Variants in DTNA observed in about 807,000 individuals in gnomAD.
The protein encoded by DTNA is dystrobrevin alpha, also known as dystrophin-related protein 3.
A neutral mutation model predicts 100.7 loss-of-function variants in DTNA; 43 were observed. The ratio of observed to expected loss-of-function variants is 0.43; its 90% CI spans 0.33 to 0.55. DTNA has a LOEUF of 0.55. DTNA is among the 20% of genes least tolerant of loss of function. The probability of loss-of-function intolerance (pLI) is 0.04; values close to 1 mark genes in which losing one functional copy is unlikely to be tolerated. For missense variants in DTNA, 798 were observed against 953.9 expected, an observed-to-expected ratio of 0.84 and a Z score of 2.15; for synonymous variants, 349 against 347.9, an observed-to-expected ratio of 1.00 and a Z score of -0.04.
chr18:34,660,337 G>C (rs915301514), intron 1 of DTNA, among the ~76,000 whole-genome samples: 9 of 151,730 alleles, frequency 5.9e-5, no homozygotes, highest in African/African-American at 1.9e-4. Flanking sequence ...CAACTGAGCA[G>C]CATTAACATT....
At chr18:34,532,625 T>A (rs1190512960) in intron 1 of DTNA, among the ~76,000 whole-genome samples, 2 of 152,026 alleles carry the variant, frequency 1.3e-5, no homozygotes, top group Admixed American at 6.6e-5. Flanking sequence ...TTCTCTAATC[T>A]CATACAATTT....
chr18:34,519,245 A>G (rs562497331), intron 1 of DTNA, among the ~76,000 whole-genome samples: 1 of 152,286 alleles, frequency 6.6e-6, no homozygotes, highest in African/African-American at 2.4e-5. Context: ...GGAGAATTTC[A>G]TGGCAGACAA....
chr18:34,690,248 G>C (rs940867875), intron 1 of DTNA, among the ~76,000 whole-genome samples: 3 of 152,166 alleles, frequency 2.0e-5, no homozygotes, highest in African/African-American at 7.2e-5. Flanking sequence ...GCCTCATTTT[G>C]TGCTTGAAAC....
chr18:34,663,806 A>G (rs1335080961), intron 1 of DTNA, among the ~76,000 whole-genome samples: 2 of 152,222 alleles, frequency 1.3e-5, no homozygotes, highest in Non-Finnish European at 1.5e-5. Flanking sequence ...CAGCTTCTCA[A>G]TACCTTTCTT....
Position 34,769,725 on chromosome 18 carries a change from C to CTTTTTTTTTTTTTT in DTNA, c.148+3686_148+3699dup, listed in dbSNP as rs61242937. On this transcript the variant is annotated intron_variant, in intron 3 of 22. Coordinates refer to ENST00000444659, the MANE Select transcript of DTNA (RefSeq NM_001386795.1). ...GAAGAAGCAAGGCAGCCCTCTGGGG[C>CTTTTTTTTTTTTTT]TTTTTTTTTTTTTTTGACAGAGTTT... Among the ~76,000 whole-genome samples, 57 of 53,862 alleles carry CTTTTTTTTTTTTTT rather than the reference C, an allele frequency of 1.1e-3. 9 individuals carry two copies. The highest frequency in any genetic ancestry group is 0.012 in the Middle Eastern group (1 of 82). The allele number at this position is 53,862 out of a possible 152,430, so 35.3% of individuals were successfully genotyped here. A position where few individuals can be genotyped will look rare whatever the true frequency, so the allele number is the denominator to read the frequency against.
In DTNA at chr18:34,781,894, A is replaced by G. The variant is rs1291511413; in HGVS notation, c.149-12143A>G. ...TGTTGGCCAGATGGGCACATAATTC[A>G]GGGTCAGTGAGTTCAAATTTCTAAA... is the stretch of plus-strand genomic sequence containing the variant. On this transcript the variant is annotated intron_variant, in intron 3 of 22. Transcript: ENST00000444659. Among the ~76,000 whole-genome samples the G allele has an allele frequency of 2.6e-5, 4 of 152,162 alleles. No individual in the cohort carries two copies. In the East Asian group the frequency reaches 7.7e-4, roughly 29 times the overall value.
chr18:34,855,331 T>A (rs1183851875), intron 15 of DTNA, among the ~76,000 whole-genome samples: 1 of 152,152 alleles, frequency 6.6e-6, no homozygotes, highest in Non-Finnish European at 1.5e-5. Context: ...GCTCACTAAA[T>A]ATGCAGGTTG....
chr18:34,695,128 C>G (rs758449262), intron 1 of DTNA, among the ~76,000 whole-genome samples: 27 of 152,160 alleles, frequency 1.8e-4, no homozygotes, highest in Non-Finnish European at 3.2e-4. Flanking sequence ...TGGATTCTCC[C>G]TCCGTACAGT....
chr18:34,576,276 A>G (rs1176090774), intron 1 of DTNA, among the ~76,000 whole-genome samples: 1 of 152,142 alleles, frequency 6.6e-6, no homozygotes, highest in African/African-American at 2.4e-5. Flanking sequence ...AGAATGTCCT[A>G]TTGGTCACTG....
intron 1 of DTNA, among the ~76,000 whole-genome samples, chr18:34,616,190 T>A (rs1165495892): frequency 6.6e-6 from 1 of 152,198 alleles, no homozygotes; most frequent in Admixed American, 6.5e-5. Flanking sequence ...CTGAATTAAT[T>A]TACATTTCCA....
chr18:34,666,825 C>G (rs909724140), intron 1 of DTNA, among the ~76,000 whole-genome samples: 1 of 152,120 alleles, frequency 6.6e-6, no homozygotes, highest in Non-Finnish European at 1.5e-5. Flanking sequence ...GTTACTGTAG[C>G]CTTGTGGTAT....
chr18:34,751,575 C>G (rs903704418), intron 1 of DTNA, among the ~76,000 whole-genome samples: 1 of 152,208 alleles, frequency 6.6e-6, no homozygotes, highest in African/African-American at 2.4e-5. Flanking sequence ...ACTGCCTGTT[C>G]CCAAATGCAC....
chr18:34,700,267 C>T (rs1247404740), intron 1 of DTNA, among the ~76,000 whole-genome samples: 1 of 152,142 alleles, frequency 6.6e-6, no homozygotes, highest in African/African-American at 2.4e-5. Flanking sequence ...TGACCTCAGC[C>T]ATCCACTTGC....
chr18:34,609,469 C>T (rs779910910), intron 1 of DTNA, among the ~76,000 whole-genome samples: 12 of 152,084 alleles, frequency 7.9e-5, no homozygotes, highest in Non-Finnish European at 1.3e-4. Context: ...TGGTCTCGAT[C>T]TCCTCATCTC....
chr18:34,658,779 C>T (rs1599713893), intron 1 of DTNA, among the ~76,000 whole-genome samples: 1 of 152,308 alleles, frequency 6.6e-6, no homozygotes, highest in African/African-American at 2.4e-5. Context: ...CAGAGAACAA[C>T]ACTAATTTAT....
intron 1 of DTNA, among the ~76,000 whole-genome samples, chr18:34,743,912 G>A (rs375920751): frequency 2.6e-5 from 4 of 151,642 alleles, no homozygotes; most frequent in South Asian, 2.1e-4. Flanking sequence ...CTCATCTGCC[G>A]TTGACCCTCT....
At chr18:34,797,733 C>A (rs995575976) in intron 4 of DTNA, among the ~76,000 whole-genome samples, 4 of 152,178 alleles carry the variant, frequency 2.6e-5, no homozygotes, top group Non-Finnish European at 2.9e-5. Flanking sequence ...GGTGCAGTCA[C>A]AAACTCTGAG....
intron 3 of DTNA, among the ~76,000 whole-genome samples, chr18:34,775,318 C>T (rs1283594625): frequency 6.6e-6 from 1 of 152,046 alleles, no homozygotes; most frequent in Middle Eastern, 3.2e-3. Flanking sequence ...AACCCCGTCT[C>T]TACTAAAAAT....
intron 11 of DTNA, among the ~76,000 whole-genome samples, chr18:34,834,216 C>G (rs2096080835): frequency 1.3e-5 from 2 of 152,060 alleles, no homozygotes; most frequent in South Asian, 4.1e-4. Flanking sequence ...GAGGTTGAGG[C>G]TGGGCACGGT....
Sources: allele counts gnomAD v4.1 joint callset (sites outside exome capture counted in the v4.1 genomes callset), GRCh38; gene constraint gnomAD v4.1.1; transcripts MANE v1.5; gene names NCBI Gene and HGNC (gene_info 2026-07-23, HGNC 2026-07-21).